The following GPC5 variants were observed in gnomAD, a reference collection of about 807,000 sequenced individuals.
The protein encoded by GPC5 is glypican-5.
A neutral mutation model predicts 53.9 loss-of-function variants in GPC5; 47 were observed. The observed-to-expected ratio is 0.87, with a 90% CI of 0.69 to 1.11. The LOEUF (loss-of-function observed/expected upper bound fraction) is 1.11, where lower values mean the gene tolerates loss of function less well. GPC5 is among the 50% of genes most tolerant of loss of function. The pLI is 0.00. For missense variants in GPC5, 748 were observed against 713.1 expected (o/e 1.05, Z -0.56); for synonymous variants, 286 against 263.3 (o/e 1.09, Z -0.84).
intron 7 of GPC5, among the ~76,000 whole-genome samples, chr13:92,294,642 C>G (rs2043020891): frequency 6.6e-6 from 1 of 151,672 alleles, no homozygotes; most frequent in African/African-American, 2.4e-5. Flanking sequence ...TTTACCTGTT[C>G]AAAGAACCAG....
chr13:92,334,401 A>G (rs1168728592), intron 7 of GPC5, among the ~76,000 whole-genome samples: 1 of 152,154 alleles, frequency 6.6e-6, no homozygotes, highest in Non-Finnish European at 1.5e-5. Flanking sequence ...GGTCCCTCCC[A>G]TGACACATGG....
chr13:92,338,337 AT>A (rs986368115), intron 7 of GPC5, among the ~76,000 whole-genome samples: 10 of 152,104 alleles, frequency 6.6e-5, no homozygotes, highest in Non-Finnish European at 1.2e-4. Context: ...GTTGCTGGGA[AT>A]GCAAAATGGT....
chr13:92,551,772 A>G (rs1168557798), intron 7 of GPC5, among the ~76,000 whole-genome samples: 1 of 151,846 alleles, frequency 6.6e-6, no homozygotes, highest in Admixed American at 6.6e-5. Context: ...AGAAGAACAA[A>G]CAAACAGAAA....
chr13:91,622,602 G>T (rs2033891911), intron 2 of GPC5, among the ~76,000 whole-genome samples: 1 of 152,046 alleles, frequency 6.6e-6, no homozygotes, highest in Non-Finnish European at 1.5e-5. Context: ...TCTCTAGCCT[G>T]GCGTGAAAAC....
intron 7 of GPC5, among the ~76,000 whole-genome samples, chr13:92,286,119 A>G (rs2042952515): frequency 6.6e-6 from 1 of 152,212 alleles, no homozygotes; most frequent in African/African-American, 2.4e-5. Context: ...TATGCAGCCA[A>G]CAGACACGTG....
chr13:91,709,634 G>C (rs1278217941), intron 3 of GPC5, among the ~76,000 whole-genome samples: 1 of 152,152 alleles, frequency 6.6e-6, no homozygotes, highest in African/African-American at 2.4e-5. Flanking sequence ...ATGTACTCTG[G>C]CAACACTGTA....
intron 2 of GPC5, among the ~76,000 whole-genome samples, chr13:91,461,143 G>C (rs1160816555): frequency 1.3e-5 from 2 of 152,090 alleles, no homozygotes; most frequent in East Asian, 1.9e-4. Context: ...CTGCCTATGG[G>C]CTAACTTTTG....
At chr13:92,368,290 AC>A (rs1219841682) in intron 7 of GPC5, among the ~76,000 whole-genome samples, 3 of 151,084 alleles carry the variant, frequency 2.0e-5, no homozygotes, top group Admixed American at 2.0e-4. Flanking sequence ...CAGCCCTAAA[AC>A]CTTTTACTAT....
At chr13:92,522,190 C>A (rs1881082749) in intron 7 of GPC5, among the ~76,000 whole-genome samples, 1 of 152,144 alleles carries the variant, frequency 6.6e-6, no homozygotes, top group Admixed American at 6.5e-5. Flanking sequence ...CTAGTTCAAC[C>A]ATTGCGGAAG....
intron 2 of GPC5, among the ~76,000 whole-genome samples, chr13:91,554,551 C>G (rs1022732235): frequency 3.9e-5 from 6 of 152,076 alleles, no homozygotes; most frequent in African/African-American, 1.4e-4. Flanking sequence ...TAAGGTAGGA[C>G]AAACGAATCC....
At chr13:91,679,849 CAA>C (rs1189718229) in intron 2 of GPC5, among the ~76,000 whole-genome samples, 1 of 151,992 alleles carries the variant, frequency 6.6e-6, no homozygotes, top group African/African-American at 2.4e-5. Flanking sequence ...TTCTGCATAC[CAA>C]AGAGTAATGG....
intron 5 of GPC5, among the ~76,000 whole-genome samples, chr13:91,794,993 G>A (rs896378986): frequency 6.6e-6 from 1 of 152,122 alleles, no homozygotes; most frequent in Non-Finnish European, 1.5e-5. Context: ...AACGAAGGGA[G>A]GGAGGAAAGT....
At chr13:91,873,092 A>G (rs1010956883) in intron 5 of GPC5, among the ~76,000 whole-genome samples, 1 of 152,202 alleles carries the variant, frequency 6.6e-6, no homozygotes, top group African/African-American at 2.4e-5. Context: ...TTTTATAGAA[A>G]ATGATATGCA....
intron 7 of GPC5, among the ~76,000 whole-genome samples, chr13:92,741,467 A>G (rs1368246020): frequency 1.3e-5 from 2 of 151,994 alleles, no homozygotes; most frequent in African/African-American, 2.4e-5. Flanking sequence ...CTTCATAACT[A>G]TAAGAAATCC....
intron 6 of GPC5, among the ~76,000 whole-genome samples, chr13:92,016,663 T>C (rs766631672): frequency 6.6e-6 from 1 of 152,218 alleles, no homozygotes; most frequent in African/African-American, 2.4e-5. Flanking sequence ...TTGAGTGTTA[T>C]TTTGACAGCC....
intron 6 of GPC5, among the ~76,000 whole-genome samples, chr13:91,978,656 G>A (rs993334366): frequency 1.3e-5 from 2 of 152,178 alleles, no homozygotes; most frequent in Non-Finnish European, 2.9e-5. Flanking sequence ...GCTAGAGACA[G>A]TTCAACCACA....
At position 91,936,146 on chromosome 13, in the gene GPC5, A is replaced by T. The variant is rs531657587; in HGVS notation, c.1401+28089A>T. Reference sequence around the variant, plus strand: ...GATAAGCAAACTGTTATAAAAGATGATGCTCAAGTCTCTCTGTCTTGCCGT... The same window carrying T: ...GATAAGCAAACTGTTATAAAAGATGTTGCTCAAGTCTCTCTGTCTTGCCGT... On this transcript the variant is annotated intron_variant, in intron 6 of 7. Transcript: ENST00000377067. Among the ~76,000 whole-genome samples the T allele has an allele frequency of 3.7e-4, 56 of 152,178 alleles. 1 individual carries two copies. The highest frequency in any genetic ancestry group is 1.3e-3 in the African/African-American group (52 of 41,554).
At position 92,123,290 on chromosome 13, in the gene GPC5, C is replaced by T. The variant is rs9589439; in HGVS notation, c.1402-21540C>T. Among the ~76,000 whole-genome samples, 752 of 151,910 alleles carry T rather than the reference C, an allele frequency of 5.0e-3. 4 individuals are homozygous for T. Among genetic ancestry groups the T allele is most frequent in the African/African-American group, 0.017 (715 of 41,422 alleles). On this transcript the variant is annotated intron_variant, in intron 6 of 7. Transcript: ENST00000377067. ...TTTTGGTGGCGGGCACGTGTAATTC[C>T]AGTTACTTTGGGAGGCTGAAGCAGG...
chr13:92,232,933 G>A (rs531631327), intron 7 of GPC5, among the ~76,000 whole-genome samples: 2 of 152,282 alleles, frequency 1.3e-5, no homozygotes, highest in East Asian at 3.9e-4. Flanking sequence ...TTGACCCAAA[G>A]AACTTCTTAG....
Sources: gnomAD v4.1 joint callset for allele counts (sites outside exome capture counted in the v4.1 genomes callset) on GRCh38, gnomAD v4.1.1 for gene constraint, MANE v1.5 for transcripts, NCBI Gene and HGNC (gene_info 2026-07-23, HGNC 2026-07-21) for gene names.